The following ARSB variants were observed in gnomAD, a reference collection of about 807,000 sequenced individuals.
ARSB encodes N-acetylgalactosamine-4-sulfatase.
ARSB carries 41 observed loss-of-function variants against 50.9 expected under a neutral mutation model. The observed-to-expected ratio is 0.81, with a 90% CI of 0.63 to 1.04. ARSB has a LOEUF of 1.04. Among genes scored for constraint, ARSB ranks in the 50% least tolerant of loss-of-function variants. The pLI is 0.00. For missense variants in ARSB, 672 were observed against 693.3 expected (o/e 0.97, Z 0.35); for synonymous variants, 269 against 284.8 (o/e 0.94, Z 0.56).
intron 4 of ARSB, among the ~76,000 whole-genome samples, 174 bp downstream of exon 4, chr5:78,955,121 T>A (rs767017549): frequency 6.6e-6 from 1 of 152,236 alleles, no homozygotes; most frequent in African/African-American, 2.4e-5. Flanking sequence ...GGGAAGCCCA[T>A]CATTCTTTTT....
chr5:78,809,471 G>A (rs572999209), intron 6 of ARSB, among the ~76,000 whole-genome samples: 4 of 152,364 alleles, frequency 2.6e-5, no homozygotes, highest in East Asian at 1.9e-4. Flanking sequence ...GGCCAGCCCC[G>A]TGGAGAGCTA....
At chr5:78,832,987 C>T (rs1454615792) in intron 6 of ARSB, among the ~76,000 whole-genome samples, 1 of 152,188 alleles carries the variant, frequency 6.6e-6, no homozygotes, top group Non-Finnish European at 1.5e-5. Flanking sequence ...GTCGTGGTCT[C>T]AGATGGGGCA....
intron 5 of ARSB, among the ~76,000 whole-genome samples, chr5:78,863,640 G>A (rs1468595321): frequency 6.6e-6 from 1 of 152,002 alleles, no homozygotes; most frequent in Middle Eastern, 3.2e-3. Context: ...ATGGCATTAA[G>A]AGAAATACCT....
At chr5:78,809,012 T>C (rs1172119096) in intron 6 of ARSB, among the ~76,000 whole-genome samples, 2 of 152,208 alleles carry the variant, frequency 1.3e-5, no homozygotes, top group East Asian at 1.9e-4. Context: ...GATAACGGAT[T>C]TGCAAAACAG....
intron 6 of ARSB, among the ~76,000 whole-genome samples, chr5:78,837,035 C>T (rs1251666028): frequency 1.3e-5 from 2 of 152,200 alleles, no homozygotes; most frequent in Non-Finnish European, 1.5e-5. Flanking sequence ...ATGATCCAGT[C>T]ACCTCCCGCC....
intron 6 of ARSB, among the ~76,000 whole-genome samples, chr5:78,797,746 C>T (rs912506308): frequency 1.3e-5 from 2 of 152,108 alleles, no homozygotes; most frequent in Admixed American, 1.3e-4. Flanking sequence ...ATGGGTAACC[C>T]CTCTCTAATG....
intron 5 of ARSB, among the ~76,000 whole-genome samples, chr5:78,854,671 G>A (rs761935367): frequency 4.6e-5 from 7 of 152,144 alleles, no homozygotes; most frequent in East Asian, 1.9e-4. Flanking sequence ...CTCTACCAGC[G>A]AGTTTTACAC....
Position 78,810,093 on chromosome 5 carries a change from T to G in ARSB, c.1214-28119A>C, listed in dbSNP as rs558757976. On this transcript the variant is annotated intron_variant, in intron 6 of 7. Coordinates refer to ENST00000264914, the MANE Select transcript of ARSB (RefSeq NM_000046.5). ...CAAACTCTGTTCTCCTAATCTCCATTCACTTCTCAAATTTCCCGACCCCCG... is the reference window on the plus strand; with the variant it reads ...CAAACTCTGTTCTCCTAATCTCCATGCACTTCTCAAATTTCCCGACCCCCG... Among the ~76,000 whole-genome samples, 39 of 152,334 alleles carry G rather than the reference T, an allele frequency of 2.6e-4. No homozygotes were observed. In the East Asian group the frequency reaches 6.9e-3, roughly 27 times the overall value.
intron 5 of ARSB, among the ~76,000 whole-genome samples, chr5:78,879,597 C>G (rs537939958): frequency 3.3e-5 from 5 of 152,214 alleles, no homozygotes; most frequent in African/African-American, 9.6e-5. Context: ...TCAAAAACTA[C>G]CATCATCTCG....
intron 4 of ARSB, among the ~76,000 whole-genome samples, chr5:78,932,050 G>C (rs1750348099): frequency 6.6e-6 from 1 of 152,084 alleles, no homozygotes; most frequent in South Asian, 2.1e-4. Context: ...CCCAGCTCAG[G>C]TATTTCTTTA....
At chr5:78,835,388 A>C (rs555559919) in intron 6 of ARSB, among the ~76,000 whole-genome samples, 1 of 152,252 alleles carries the variant, frequency 6.6e-6, no homozygotes, top group Non-Finnish European at 1.5e-5. Flanking sequence ...TGCTAGGCAG[A>C]GGGCAGAAAT....
intron 5 of ARSB, among the ~76,000 whole-genome samples, chr5:78,851,878 G>A (rs962902753): frequency 6.6e-6 from 1 of 151,984 alleles, no homozygotes; most frequent in Non-Finnish European, 1.5e-5. Flanking sequence ...GACTAGGATT[G>A]CAACCCCTGC....
intron 4 of ARSB, among the ~76,000 whole-genome samples, chr5:78,892,713 A>G (rs1748371646): frequency 6.6e-6 from 1 of 152,208 alleles, no homozygotes; most frequent in African/African-American, 2.4e-5. Flanking sequence ...ACACTATAAC[A>G]ATAGCCTGGG....
intron 6 of ARSB, among the ~76,000 whole-genome samples, chr5:78,804,847 T>A (rs577611168): frequency 6.6e-6 from 1 of 152,332 alleles, no homozygotes; most frequent in South Asian, 2.1e-4. Context: ...TCCATGCATC[T>A]TCCAGGTCCA....
At chr5:78,859,792 G>T (rs1000940422) in intron 5 of ARSB, among the ~76,000 whole-genome samples, 3 of 152,070 alleles carry the variant, frequency 2.0e-5, no homozygotes, top group Non-Finnish European at 4.4e-5. Context: ...CACCCCGAAT[G>T]CTGGCTGCTT....
intron 6 of ARSB, among the ~76,000 whole-genome samples, chr5:78,833,032 G>A (rs1431224773): frequency 6.6e-6 from 1 of 152,142 alleles, no homozygotes; most frequent in Non-Finnish European, 1.5e-5. Flanking sequence ...GATCAAGCCC[G>A]GCACCTGCAG....
intron 4 of ARSB, among the ~76,000 whole-genome samples, chr5:78,925,681 A>G (rs114314908): frequency 0.025 from 3,775 of 152,314 alleles, 163 homozygotes; most frequent in African/African-American, 0.084. Flanking sequence ...ACACTTTACT[A>G]TTCACATAGC....
At chr5:78,852,589 T>C (rs1384306400) in intron 5 of ARSB, among the ~76,000 whole-genome samples, 1 of 152,146 alleles carries the variant, frequency 6.6e-6, no homozygotes, top group East Asian at 1.9e-4. Flanking sequence ...ATTTCCTGAA[T>C]CTGAATGTTG....
chr5:78,847,843 T>A (rs542595643), intron 5 of ARSB, among the ~76,000 whole-genome samples: 2 of 152,238 alleles, frequency 1.3e-5, no homozygotes, highest in South Asian at 2.1e-4. Flanking sequence ...TTCTAATTTG[T>A]TGGCATATAG....
Sources: allele counts gnomAD v4.1 joint callset (sites outside exome capture counted in the v4.1 genomes callset), GRCh38; gene constraint gnomAD v4.1.1; transcripts MANE v1.5; gene names NCBI Gene and HGNC (gene_info 2026-07-23, HGNC 2026-07-21).